IQCE: variants seen among roughly 807,000 people sequenced by gnomAD.
The protein encoded by IQCE is IQ motif containing E.
IQCE carries 115 observed loss-of-function variants against 96.0 expected under a neutral mutation model. That is an observed-to-expected ratio of 1.20 (90% confidence interval 1.03 to 1.40). The LOEUF (loss-of-function observed/expected upper bound fraction) is 1.40, where lower values mean the gene tolerates loss of function less well. Among genes scored for constraint, IQCE ranks in the 40% most tolerant of loss-of-function variants. The pLI is 0.00. For synonymous variants in IQCE, 412 were observed against 371.2 expected, an observed-to-expected ratio of 1.11 and a Z score of -1.26; for missense variants, 1,041 against 909.1, an observed-to-expected ratio of 1.15 and a Z score of -1.87.
At chr7:2,605,685 C>T (rs1294210017) in intron 19 of IQCE, among the ~76,000 whole-genome samples, 191 bp from the exon 20 acceptor site, 2 of 151,910 alleles carry the variant, frequency 1.3e-5, no homozygotes, top group Non-Finnish European at 2.9e-5. Flanking sequence ...AGAATCCCTA[C>T]AGTTTAAAAA....
intron 1 of IQCE, among the ~76,000 whole-genome samples, chr7:2,566,046 C>T (rs563262949): frequency 1.7e-3 from 264 of 152,256 alleles, no homozygotes; most frequent in African/African-American, 6.2e-3. Context: ...AACGCAGTAG[C>T]ATCCCATTAT....
intron 15 of IQCE, among the ~76,000 whole-genome samples, 200 bp downstream of exon 15, chr7:2,593,326 GT>G (rs1783762120): frequency 6.6e-6 from 1 of 152,272 alleles, no homozygotes; most frequent in Non-Finnish European, 1.5e-5. Flanking sequence ...CTCTGGCATC[GT>G]GGCCACCTCT....
At chr7:2,581,916 G>A (rs1782697683) in intron 8 of IQCE, 1 of 298,646 alleles carries the variant, frequency 3.3e-6, no homozygotes, top group South Asian at 2.9e-5. Context: ...GTTTCACCTT[G>A]TTAGCCAGGA....
In IQCE at chr7:2,611,611, C is replaced by G. The variant is rs1785108107; in HGVS notation, c.*1449C>G. 6.6e-6 allele frequency: 1 copy of G among 152,162 alleles called. No homozygotes were observed. The highest frequency in any genetic ancestry group is 2.1e-4 in the South Asian group (1 of 4,828). The allele number at this position is 152,162 out of a possible 1,614,324, so 9.4% of individuals were successfully genotyped here. ...AAGGGAGAGAGGAGGCTCTGCATGT[C>G]CACCTGCTCTATGGGAGGAGGACAC... is the stretch of plus-strand genomic sequence containing the variant. On this transcript the variant is annotated 3_prime_UTR_variant, in exon 22 of 22. Coordinates refer to ENST00000402050, the MANE Select transcript of IQCE (RefSeq NM_152558.5).
chr7:2,609,943 G>A (rs1006491217), intron 21 of IQCE, 101 bp from the exon 22 acceptor site: 42 of 701,652 alleles, frequency 6.0e-5, no homozygotes, highest in Admixed American at 3.1e-4. Flanking sequence ...GGTGGCTGCC[G>A]TCTTGCCTGC....
At chr7:2,569,206 G>A (rs2917753) in intron 3 of IQCE, among the ~76,000 whole-genome samples, 27,726 of 152,074 alleles carry the variant, frequency 0.18, 2,776 homozygotes, top group East Asian at 0.34. Context: ...AGCACGTGGA[G>A]TCCCTGTTGG....
chr7:2,574,626 C>T (rs534527988), intron 6 of IQCE, among the ~76,000 whole-genome samples: 16 of 152,252 alleles, frequency 1.1e-4, no homozygotes, highest in Admixed American at 3.9e-4. Context: ...GGGATTATCT[C>T]GTTTGGGATT....
Position 2,586,208 on chromosome 7 carries a change from G to T in IQCE, c.825G>T (p.Lys275Asn), listed in dbSNP as rs1783096203. The T allele has an allele frequency of 1.9e-6, 3 of 1,612,460 alleles. No individual in the cohort carries two copies. The highest frequency in any genetic ancestry group is 1.7e-5 in the Admixed American group (1 of 59,604). The change falls in exon 12 of 22, where the codon AAG becomes AAT. Residue 275 changes from lysine (K) to asparagine (N), a missense_variant and splice_region_variant. Physicochemically the swap from Lys to Asn is moderately conservative, Grantham distance 94 (BLOSUM62 0). Transcript: ENST00000402050. ...TCAGTCCACGATTTGGTTGTTCCAGGCCCCTGGGGGAGAAGAAGACGGGCG... is the reference window on the plus strand; with the variant it reads ...TCAGTCCACGATTTGGTTGTTCCAGTCCCCTGGGGGAGAAGAAGACGGGCG... ...LLASSETTGKKPLGEKKTGAK... is the reference protein window; with the variant it reads ...LLASSETTGKNPLGEKKTGAK...
intron 5 of IQCE, among the ~76,000 whole-genome samples, chr7:2,573,129 C>T (rs1781878368): frequency 6.6e-6 from 1 of 152,222 alleles, no homozygotes; most frequent in Admixed American, 6.5e-5. Context: ...TGTCCCTCCT[C>T]CTTCCGTGAG....
At chr7:2,589,537 T>C (rs1783409013) in intron 13 of IQCE, among the ~76,000 whole-genome samples, 1 of 152,100 alleles carries the variant, frequency 6.6e-6, no homozygotes, top group South Asian at 2.1e-4. Context: ...GACACCAGGA[T>C]GTCACTCGAG....
At chr7:2,604,124 G>A (rs568471398) in intron 18 of IQCE, among the ~76,000 whole-genome samples, 4 of 90,032 alleles carry the variant, frequency 4.4e-5, no homozygotes, top group South Asian at 4.7e-4. Flanking sequence ...GAGTAGCTGG[G>A]ACTACAGGCA....
At chr7:2,593,215 T>A in intron 15 of IQCE, 89 bp downstream of exon 15, 1 of 1,489,058 alleles carries the variant, frequency 6.7e-7, no homozygotes, top group South Asian at 1.4e-5. Flanking sequence ...TCAGCCTTGC[T>A]GCCAGCCGGC....
intron 3 of IQCE, 112 bp from the exon 4 acceptor site, chr7:2,571,414 G>C: frequency 2.2e-6 from 3 of 1,344,010 alleles, no homozygotes; most frequent in Non-Finnish European, 3.1e-6. Flanking sequence ...TGTTTGACTA[G>C]AGTCACCACG....
intron 6 of IQCE, among the ~76,000 whole-genome samples, chr7:2,577,867 G>A (rs1782295053): frequency 1.4e-5 from 2 of 140,182 alleles, no homozygotes; most frequent in African/African-American, 2.7e-5. Context: ...GGCTGTGCGC[G>A]CGGGGACGTG....
At chr7:2,609,042 C>T (rs12700163) in intron 21 of IQCE, among the ~76,000 whole-genome samples, 38,832 of 152,148 alleles carry the variant, frequency 0.26, 5,177 homozygotes, top group Non-Finnish European at 0.29. Flanking sequence ...TTTCGTCTTT[C>T]AAGGCAGCGA....
At position 2,598,421 on chromosome 7, in the gene IQCE, C is replaced by T. The variant is rs1037011188; in HGVS notation, c.1441-44C>T. On this transcript the variant is annotated intron_variant, in intron 16 of 21. Transcript: ENST00000402050. ...TCCCCTTGCCGGATACTGGTTGTCCCTGCCCTGGCTTCATTGTCCTCTTAC... is the reference window on the plus strand; with the variant it reads ...TCCCCTTGCCGGATACTGGTTGTCCTTGCCCTGGCTTCATTGTCCTCTTAC... The T allele has an allele frequency of 2.6e-6, 4 of 1,520,970 alleles. No homozygotes were observed. In the African/African-American group the frequency reaches 5.6e-5, roughly 21 times the overall value. The allele number at this position is 1,520,970 out of a possible 1,614,324, so 94.2% of individuals were successfully genotyped here. A position where few individuals can be genotyped will look rare whatever the true frequency, so the allele number is the denominator to read the frequency against.
intron 1 of IQCE, among the ~76,000 whole-genome samples, chr7:2,559,905 T>A (rs1390215097): frequency 1.3e-5 from 2 of 152,044 alleles, no homozygotes; most frequent in Non-Finnish European, 2.9e-5. Flanking sequence ...CCCCCGGTAG[T>A]CCCTGCACTC....
intron 16 of IQCE, 23 bp downstream of exon 16, chr7:2,594,999 T>A (rs945624011): frequency 6.5e-7 from 1 of 1,536,380 alleles, no homozygotes; most frequent in South Asian, 1.1e-5. Flanking sequence ...TTCAGTTGAG[T>A]CTCCCGTCAG....
At chr7:2,606,645 G>A (rs569772262) in intron 20 of IQCE, among the ~76,000 whole-genome samples, 9 of 152,226 alleles carry the variant, frequency 5.9e-5, no homozygotes, top group Non-Finnish European at 1.2e-4. Context: ...CAGCACTTCC[G>A]AGTGGGCAGT....
Sources: gnomAD v4.1 joint callset for allele counts (sites outside exome capture counted in the v4.1 genomes callset) on GRCh38, gnomAD v4.1.1 for gene constraint, MANE v1.5 for transcripts, NCBI Gene and HGNC (gene_info 2026-07-23, HGNC 2026-07-21) for gene names.